The following ATP5MF variants were observed in gnomAD, a reference collection of about 807,000 sequenced individuals.
ATP5MF encodes ATP synthase membrane subunit f, also known as ATP synthase F(0) complex subunit f, mitochondrial.
A neutral mutation model predicts 13.8 loss-of-function variants in ATP5MF; 10 were observed. That is an observed-to-expected ratio of 0.72 (90% confidence interval 0.45 to 1.23). The LOEUF (loss-of-function observed/expected upper bound fraction) is 1.23. Among genes scored for constraint, ATP5MF ranks in the 50% most tolerant of loss-of-function variants. The pLI is 0.00. For synonymous variants in ATP5MF, 40 were observed against 45.8 expected, an observed-to-expected ratio of 0.87 and a Z score of 0.51; for missense variants, 122 against 118.2, an observed-to-expected ratio of 1.03 and a Z score of -0.15.
chr7:99,462,433 AC>A (rs1171091487), intron 1 of ATP5MF, among the ~76,000 whole-genome samples: 3 of 148,958 alleles, frequency 2.0e-5, no homozygotes, highest in African/African-American at 7.5e-5. Flanking sequence ...GTGCCACTAC[AC>A]TCCAGCCTGG....
At chr7:99,465,930 G>A (rs1798852556) in intron 1 of ATP5MF, among the ~76,000 whole-genome samples, 181 bp downstream of exon 1, 1 of 152,206 alleles carries the variant, frequency 6.6e-6, no homozygotes, top group South Asian at 2.1e-4. Flanking sequence ...GTTGGCGCAG[G>A]CCCTGGGCAG....
chr7:99,462,475 A>T (rs1397335407), intron 1 of ATP5MF, among the ~76,000 whole-genome samples: 3 of 138,674 alleles, frequency 2.2e-5, no homozygotes, highest in African/African-American at 8.2e-5. Flanking sequence ...GTCAAAAACA[A>T]ACAAAAACCT....
intron 1 of ATP5MF, among the ~76,000 whole-genome samples, chr7:99,465,610 C>T (rs1798835776): frequency 6.6e-6 from 1 of 152,192 alleles, no homozygotes; most frequent in South Asian, 2.1e-4. Context: ...TGAATACCAG[C>T]TCAGCCCTCG....
Position 99,458,302 on chromosome 7 carries a change from T to TG in ATP5MF, c.*24dup, listed in dbSNP as rs747723749. 110 of 1,603,862 alleles carry TG rather than the reference T, an allele frequency of 6.9e-5. No individual in the cohort carries two copies. The highest frequency in any genetic ancestry group is 3.1e-4 in the Admixed American group (18 of 58,484). ...AGGGGCTCGGGCCAAGGTCGTGGGG[T>TG]GGGGGGGTGCAGAGTGTGTCCTCTT... On this transcript the variant is annotated 3_prime_UTR_variant, in exon 4 of 4. Coordinates refer to ENST00000292475, the MANE Select transcript of ATP5MF (RefSeq NM_004889.5).
Position 99,463,067 on chromosome 7 carries a change from G to A in ATP5MF, c.32-2874C>T, listed in dbSNP as rs186854195. 9.2e-5 allele frequency among the ~76,000 whole-genome samples: 14 copies of A among 152,336 alleles called. No homozygotes were observed. In the East Asian group the frequency reaches 2.7e-3, roughly 29 times the overall value. ...TGAAATCCTTGGTACTTGGCCCTAG[G>A]TACTATGTAAATGAGAACTATTACC... On this transcript the variant is annotated intron_variant, in intron 1 of 3. Coordinates refer to ENST00000292475, the MANE Select transcript of ATP5MF (RefSeq NM_004889.5).
At chr7:99,465,261 A>AAAAAAAAATGAT (rs1350584690) in intron 1 of ATP5MF, among the ~76,000 whole-genome samples, 1 of 151,532 alleles carries the variant, frequency 6.6e-6, no homozygotes, top group Non-Finnish European at 1.5e-5. Flanking sequence ...CGCCATCTCA[A>AAAAAAAAATGAT]AAAAAAAATG....
In ATP5MF at chr7:99,460,179, T is replaced by C. The variant is rs1166912716; in HGVS notation, c.46A>G (p.Lys16Glu). 5.6e-6 allele frequency: 9 copies of C among 1,614,108 alleles called. No individual in the cohort carries two copies. The highest frequency in any genetic ancestry group is 1.1e-5 in the South Asian group (1 of 91,080). Reference sequence around the variant, plus strand: ...CCCAGTTTGACCTCCAGAAGTTTCTTGTCCTTCACTGGTACTGAAACGGAA... The same window carrying C: ...CCCAGTTTGACCTCCAGAAGTTTCTCGTCCTTCACTGGTACTGAAACGGAA... ...ECPAPVPVKD[K>E]KLLEVKLGEL... Residue 16 changes from lysine (K) to glutamate (E), a missense_variant, in exon 2 of 4, where the codon AAG becomes GAG. Coordinates refer to ENST00000292475, the MANE Select transcript of ATP5MF (RefSeq NM_004889.5).
At chr7:99,460,427 C>CT (rs1228752168) in intron 1 of ATP5MF, 2 of 698,418 alleles carry the variant, frequency 2.9e-6, no homozygotes, top group African/African-American at 3.5e-5. Flanking sequence ...AACAGGACGT[C>CT]TGAGTAACAG....
In ATP5MF at chr7:99,458,363, C is replaced by A; in HGVS notation, c.257-8G>T. Reference sequence around the variant, plus strand: ...TGCGGAGCCGCTCGTGCTCTGAAGTCAGGAAGGCAAGATGGTAAGTATCTT... The same window carrying A: ...TGCGGAGCCGCTCGTGCTCTGAAGTAAGGAAGGCAAGATGGTAAGTATCTT... On this transcript the variant is annotated splice_region_variant and splice_polypyrimidine_tract_variant and intron_variant, in intron 3 of 3. Coordinates refer to ENST00000292475, the MANE Select transcript of ATP5MF (RefSeq NM_004889.5). The A allele has an allele frequency of 6.2e-7, 1 of 1,606,194 alleles. No individual in the cohort carries two copies. The highest frequency in any genetic ancestry group is 8.5e-7 in the Non-Finnish European group (1 of 1,177,264).
Position 99,466,097 on chromosome 7 carries a change from C to G in ATP5MF, c.31+14G>C. The G allele has an allele frequency of 6.2e-7, 1 of 1,614,150 alleles. No individual in the cohort carries two copies. The highest frequency in any genetic ancestry group is 8.5e-7 in the Non-Finnish European group (1 of 1,180,000). On this transcript the variant is annotated intron_variant, in intron 1 of 3. Coordinates refer to ENST00000292475, the MANE Select transcript of ATP5MF (RefSeq NM_004889.5). ...CTGGCTCCTGCTTCCACCACGGAGT[C>G]CAAACAGCCTTACCTGGGGCCGGAC...
Position 99,461,720 on chromosome 7 carries a change from A to G in ATP5MF, c.32-1527T>C, listed in dbSNP as rs58586429. ...CCTGCCCAGGCTGGAGTGCAGTGGCATGATCTCGGCTCACTGCAACCTCCA... is the reference window on the plus strand; with the variant it reads ...CCTGCCCAGGCTGGAGTGCAGTGGCGTGATCTCGGCTCACTGCAACCTCCA... On this transcript the variant is annotated intron_variant, in intron 1 of 3. Transcript: ENST00000292475. Among the ~76,000 whole-genome samples, 712 of 151,628 alleles carry G rather than the reference A, an allele frequency of 4.7e-3. 7 individuals are homozygous for G. Among genetic ancestry groups the G allele is most frequent in the African/African-American group, 0.016 (657 of 41,386 alleles).
rs182417691 is a variant in ATP5MF, at chr7:99,458,938, G to A, written c.256+209C>T. ...ACCCTGGCTTCATCTTGATTTTCCT[G>A]TGTTCTCTTTGTCACAATTTTCTCA... On this transcript the variant is annotated intron_variant, in intron 3 of 3. Coordinates refer to ENST00000292475, the MANE Select transcript of ATP5MF (RefSeq NM_004889.5). 150 of 546,810 alleles carry A rather than the reference G, an allele frequency of 2.7e-4. 1 individual carries two copies. Among genetic ancestry groups the A allele is most frequent in the African/African-American group, 2.7e-3 (141 of 52,874 alleles). The allele number at this position is 546,810 out of a possible 1,614,324, so 33.9% of individuals were successfully genotyped here. A position where few individuals can be genotyped will look rare whatever the true frequency, so the allele number is the denominator to read the frequency against.
rs11545972 is a variant in ATP5MF at position 99,458,308 on chromosome 7, G to C, written c.*19C>G. ...TCGGGCCAAGGTCGTGGGGTGGGGG[G>C]GTGCAGAGTGTGTCCTCTTCAGTGG... On this transcript the variant is annotated 3_prime_UTR_variant, in exon 4 of 4. Coordinates refer to ENST00000292475, the MANE Select transcript of ATP5MF (RefSeq NM_004889.5). 73 of 1,608,842 alleles carry C rather than the reference G, an allele frequency of 4.5e-5. 1 individual carries two copies. The highest frequency in any genetic ancestry group is 2.2e-5 in the South Asian group (2 of 89,584).
At chr7:99,458,620 C>T (rs543261021) in intron 3 of ATP5MF, among the ~76,000 whole-genome samples, 1 of 152,270 alleles carries the variant, frequency 6.6e-6, no homozygotes, top group South Asian at 2.1e-4. Context: ...CCCAGAGAAC[C>T]CGTCCTTCAG....
chr7:99,466,008 C>T, intron 1 of ATP5MF, 103 bp downstream of exon 1: 2 of 1,584,600 alleles, frequency 1.3e-6, no homozygotes, highest in South Asian at 1.1e-5. Context: ...GGCGAAGTGC[C>T]TGAGCAAAGG....
At chr7:99,464,058 G>C (rs1407100076) in intron 1 of ATP5MF, among the ~76,000 whole-genome samples, 1 of 152,196 alleles carries the variant, frequency 6.6e-6, no homozygotes, top group Non-Finnish European at 1.5e-5. Flanking sequence ...CCAGGCATGT[G>C]ACATGACCCT....
intron 2 of ATP5MF, 93 bp downstream of exon 2, chr7:99,459,993 A>G: frequency 7.2e-7 from 1 of 1,397,800 alleles, no homozygotes. Context: ...TTCAGACAAC[A>G]AGGCCTTCAT....
intron 3 of ATP5MF, among the ~76,000 whole-genome samples, 189 bp from the exon 4 acceptor site, chr7:99,458,544 C>G (rs540158433): frequency 2.2e-4 from 33 of 152,174 alleles, no homozygotes; most frequent in Non-Finnish European, 3.4e-4. Context: ...CAGGAGCCAA[C>G]CTGCCACCTG....
In ATP5MF at chr7:99,458,272, C is replaced by G; in HGVS notation, c.*55G>C. Reference sequence around the variant, plus strand: ...CAGCAACGATTGAGATTGTGTTCCTCACGGAGGGGCTCGGGCCAAGGTCGT... The same window carrying G: ...CAGCAACGATTGAGATTGTGTTCCTGACGGAGGGGCTCGGGCCAAGGTCGT... On this transcript the variant is annotated 3_prime_UTR_variant, in exon 4 of 4. Transcript: ENST00000292475. 1 of 1,569,158 alleles carries G rather than the reference C, an allele frequency of 6.4e-7. No individual in the cohort carries two copies.
Sources: gnomAD v4.1 joint callset for allele counts (sites outside exome capture counted in the v4.1 genomes callset) on GRCh38, gnomAD v4.1.1 for gene constraint, MANE v1.5 for transcripts, NCBI Gene and HGNC (gene_info 2026-07-23, HGNC 2026-07-21) for gene names.